The following PSG7 variants were observed in gnomAD, a reference collection of about 807,000 sequenced individuals.
PSG7 encodes the protein pregnancy-specific beta-1-glycoprotein 7.
A neutral mutation model predicts 45.6 loss-of-function variants in PSG7; 57 were observed. The ratio of observed to expected loss-of-function variants is 1.25; its 90% CI spans 1.01 to 1.56. The LOEUF is 1.56. PSG7 is among the 40% of genes most tolerant of loss of function. The pLI is 0.00. For synonymous variants in PSG7, 298 were observed against 194.4 expected (o/e 1.53, Z -4.43); for missense variants, 796 against 508.4 (o/e 1.57, Z -5.44).
intron 3 of PSG7, chr19:42,927,716 G>A (rs1972927092): frequency 6.6e-6 from 1 of 151,528 alleles, no homozygotes; most frequent in African/African-American, 2.4e-5. Flanking sequence ...CATGTAAGTG[G>A]ATTCCAGAGT....
chr19:42,930,039 G>A (rs569674223), intron 2 of PSG7, among the ~76,000 whole-genome samples: 1 of 151,606 alleles, frequency 6.6e-6, no homozygotes, highest in Non-Finnish European at 1.5e-5. Flanking sequence ...TGCCTGCCTG[G>A]CCCACCTTGT....
At chr19:42,928,935 A>T (rs376422734) in intron 3 of PSG7, among the ~76,000 whole-genome samples, 32 of 151,706 alleles carry the variant, frequency 2.1e-4, no homozygotes, top group African/African-American at 7.5e-4. Flanking sequence ...TCAATCAGCC[A>T]AGAATGCTCG....
chr19:42,927,036 C>T (rs1387427835), intron 3 of PSG7: 3 of 424,374 alleles, frequency 7.1e-6, no homozygotes, highest in Admixed American at 3.8e-5. Flanking sequence ...GACTGGCTGG[C>T]TCACCCTGGG....
At chr19:42,925,033 C>T in intron 5 of PSG7, 1 of 598,932 alleles carries the variant, frequency 1.7e-6, no homozygotes, top group Non-Finnish European at 3.0e-6. Flanking sequence ...GCAAGAGTAG[C>T]AATGGACTAT....
At position 42,926,156 on chromosome 19, in the gene PSG7, G is replaced by A. The variant is rs540247603; in HGVS notation, c.989-129C>T. On this transcript the variant is annotated intron_variant, in intron 4 of 5. Transcript: ENST00000406070. ...CAAGTGACAGCCAAATCCCCTCTATGTTCACTGAGCCGAAGCCTGAGGTAT... is the reference window on the plus strand; with the variant it reads ...CAAGTGACAGCCAAATCCCCTCTATATTCACTGAGCCGAAGCCTGAGGTAT... 284 of 1,473,542 alleles carry A rather than the reference G, an allele frequency of 1.9e-4. 6 individuals carry two copies. In the African/African-American group the frequency reaches 3.3e-3, roughly 17 times the overall value. The allele number at this position is 1,473,542 out of a possible 1,614,324, so 91.3% of individuals were successfully genotyped here.
At chr19:42,927,594 A>T (rs1022409348) in intron 3 of PSG7, 4 of 151,580 alleles carry the variant, frequency 2.6e-5, no homozygotes, top group African/African-American at 9.7e-5. Context: ...GTCCTCATGG[A>T]CCATGTGTGT....
intron 2 of PSG7, among the ~76,000 whole-genome samples, chr19:42,933,305 A>ATTTTTTTTT (rs1294208407): frequency 2.2e-4 from 3 of 13,748 alleles, no homozygotes; most frequent in African/African-American, 3.4e-4. Context: ...ATATATATAT[A>ATTTTTTTTT]TATTTTTTTT....
In PSG7 at chr19:42,929,428, C is replaced by G; in HGVS notation, c.709+14G>C. ...GATGGCAGCCTGGCTAACAGAGGAA[C>G]AGAAGATACTCACGGAGGAGATTCA... On this transcript the variant is annotated intron_variant, in intron 3 of 5. Transcript: ENST00000406070. The G allele has an allele frequency of 6.2e-7, 1 of 1,612,176 alleles. No homozygotes were observed. The highest frequency in any genetic ancestry group is 8.5e-7 in the Non-Finnish European group (1 of 1,178,990).
At chr19:42,935,794 C>G (rs781898652) in intron 1 of PSG7, 25 bp from the exon 2 acceptor site, 8 of 1,593,722 alleles carry the variant, frequency 5.0e-6, no homozygotes, top group Admixed American at 3.4e-5. Flanking sequence ...GAGCATCAGT[C>G]AATATTGAGA....
At chr19:42,926,913 G>A in intron 3 of PSG7, 197 bp from the exon 4 acceptor site, 1 of 1,076,900 alleles carries the variant, frequency 9.3e-7, no homozygotes, top group Non-Finnish European at 1.3e-6. Flanking sequence ...CTCAGTCTTA[G>A]GGAAGCATAG....
chr19:42,929,731 A>C lies in PSG7; in HGVS notation c.431-11T>G. 1 of 1,609,288 alleles carries C rather than the reference A, an allele frequency of 6.2e-7. No homozygotes were observed. The highest frequency in any genetic ancestry group is 8.5e-7 in the Non-Finnish European group (1 of 1,177,450). Reference sequence around the variant, plus strand: ...GTTTGGGAGTCTCCACTGTGCGGAAAACAGAGAGAAGATTGCCCTGTGTGG... The same window carrying C: ...GTTTGGGAGTCTCCACTGTGCGGAACACAGAGAGAAGATTGCCCTGTGTGG... On this transcript the variant is annotated splice_polypyrimidine_tract_variant and intron_variant, in intron 2 of 5. Coordinates refer to ENST00000406070, the MANE Select transcript of PSG7 (RefSeq NM_002783.3).
intron 5 of PSG7, chr19:42,925,419 C>G (rs1972859349): frequency 4.0e-6 from 2 of 495,722 alleles, no homozygotes; most frequent in Admixed American, 3.9e-5. Flanking sequence ...CCACTATAAG[C>G]TAGAGATAGA....
At position 42,926,722 on chromosome 19, in the gene PSG7, T is replaced by C; in HGVS notation, c.710-6A>G. On this transcript the variant is annotated splice_polypyrimidine_tract_variant and splice_region_variant and intron_variant, in intron 3 of 5. Coordinates refer to ENST00000406070, the MANE Select transcript of PSG7 (RefSeq NM_002783.3). The stretch of plus-strand genomic sequence containing the variant: ...GTAGGGCTTGGGCAGCTTCGCTGTG[T>C]GAATAACAGAGAGAAGATTGTCCTG... 1 of 1,609,906 alleles carries C rather than the reference T, an allele frequency of 6.2e-7. No homozygotes were observed. Among genetic ancestry groups the C allele is most frequent in the Non-Finnish European group, 8.5e-7 (1 of 1,178,560 alleles).
In PSG7 at chr19:42,929,670, C is replaced by G; in HGVS notation, c.481G>C (p.Ala161Pro). 6.2e-7 allele frequency: 1 copy of G among 1,612,408 alleles called. No individual in the cohort carries two copies. Among genetic ancestry groups the G allele is most frequent in the Non-Finnish European group, 8.5e-7 (1 of 1,179,174 alleles). Reference protein sequence around the residue: ...ISSSNFNPREATEAVILTCDP... With the variant: ...ISSSNFNPREPTEAVILTCDP... ...CAGGTTAAAATCACAGCCTCCGTGG[C>G]CTCCCTGGGGTTGAAATTGCTGCTG... Residue 161 changes from alanine (A) to proline (P), a missense_variant, in exon 3 of 6, where the codon GCC becomes CCC. Transcript: ENST00000406070.
rs191942944 is a variant in PSG7, at chr19:42,926,560, C to T, written c.866G>A (p.Arg289His). Residue 289 changes from arginine (R) to histidine (H), a missense_variant, in exon 4 of 6, where the codon CGC becomes CAC. Arg to His is a conservative substitution (Grantham distance 29, BLOSUM62 0). Coordinates refer to ENST00000406070, the MANE Select transcript of PSG7 (RefSeq NM_002783.3). Reference protein sequence around the residue: ...SLPVSPRVKRRIENRILILPS... With the variant: ...SLPVSPRVKRHIENRILILPS... ...TAGAATGAGGATCCTGTTTTCAATG[C>T]GTCGCTTTACCCTGGGACTGACCGG... The T allele has an allele frequency of 1.7e-5, 28 of 1,610,368 alleles. 1 individual carries two copies. The East Asian group carries it at 2.9e-4, about 17-fold the overall frequency.
At chr19:42,932,029 AT>A (rs981955917) in intron 2 of PSG7, among the ~76,000 whole-genome samples, 4 of 147,238 alleles carry the variant, frequency 2.7e-5, no homozygotes, top group South Asian at 2.2e-4. Context: ...CTCAAACAGC[AT>A]TTTTTTTTTC....
chr19:42,931,630 G>T (rs1973021961), intron 2 of PSG7, among the ~76,000 whole-genome samples: 1 of 151,382 alleles, frequency 6.6e-6, no homozygotes, highest in Non-Finnish European at 1.5e-5. Flanking sequence ...TAAGTGAGAT[G>T]GCAATGGCTC....
intron 2 of PSG7, among the ~76,000 whole-genome samples, chr19:42,930,379 A>C (rs1420928692): frequency 6.6e-6 from 1 of 151,584 alleles, no homozygotes; most frequent in Non-Finnish European, 1.5e-5. Flanking sequence ...GAGTCCAAGG[A>C]ATGACCTACA....
chr19:42,924,851 A>G (rs779694662), intron 5 of PSG7, 27 bp from the exon 6 acceptor site: 5 of 763,880 alleles, frequency 6.5e-6, no homozygotes, highest in Non-Finnish European at 1.2e-5. Flanking sequence ...AAACACAGAA[A>G]CAATGAACAG....
Sources: allele counts gnomAD v4.1 joint callset (sites outside exome capture counted in the v4.1 genomes callset), GRCh38; gene constraint gnomAD v4.1.1; transcripts MANE v1.5; gene names NCBI Gene and HGNC (gene_info 2026-07-23, HGNC 2026-07-21).